Variants in KIF13A observed in about 807,000 individuals in gnomAD.
KIF13A encodes kinesin-like protein KIF13A.
Under a neutral mutation model 212.2 loss-of-function variants are expected in KIF13A, and 79 were observed. The ratio of observed to expected loss-of-function variants is 0.37; its 90% CI spans 0.31 to 0.45. The LOEUF (loss-of-function observed/expected upper bound fraction) is 0.45, where lower values mean the gene tolerates loss of function less well. Among genes scored for constraint, KIF13A ranks in the 20% least tolerant of loss-of-function variants. KIF13A has a pLI of 1.00. For synonymous variants in KIF13A, 789 were observed against 808.6 expected (o/e 0.98, Z 0.41); for missense variants, 1,901 against 2,209.0 (o/e 0.86, Z 2.79).
intron 6 of KIF13A, among the ~76,000 whole-genome samples, chr6:17,852,937 T>C (rs1459273869): frequency 6.6e-6 from 1 of 152,222 alleles, no homozygotes; most frequent in Non-Finnish European, 1.5e-5. Flanking sequence ...TAAACCTGGT[T>C]TGGAACCCAT....
chr6:17,986,549 A>T (rs891612515), intron 2 of KIF13A, among the ~76,000 whole-genome samples: 1 of 152,278 alleles, frequency 6.6e-6, no homozygotes, highest in African/African-American at 2.4e-5. Context: ...TAACTAGTCC[A>T]GCCTGAGTCT....
At position 17,898,275 on chromosome 6, in the gene KIF13A, T is replaced by A; in HGVS notation, c.147-95A>T. On this transcript the variant is annotated intron_variant, in intron 2 of 38. Transcript: ENST00000259711. This position sits in a 1 kb window ranked among gnomAD's most constrained non-coding sequence, Gnocchi z 5.2. The stretch of plus-strand genomic sequence containing the variant: ...AGGGAAACAATGAAAGAGAAAAAAA[T>A]AAGGTAAATTCAGCACCTTGATAAC... 1 of 1,240,626 alleles carries A rather than the reference T, an allele frequency of 8.1e-7. No individual in the cohort carries two copies. The allele number at this position is 1,240,626 out of a possible 1,614,324, so 76.9% of individuals were successfully genotyped here. A position where few individuals can be genotyped will look rare whatever the true frequency, so the allele number is the denominator to read the frequency against.
intron 16 of KIF13A, among the ~76,000 whole-genome samples, chr6:17,821,038 T>C (rs1467363304): frequency 6.6e-6 from 1 of 152,170 alleles, no homozygotes; most frequent in Admixed American, 6.5e-5. Flanking sequence ...TTTTAAAATG[T>C]TTTGTAGAGA....
chr6:17,764,655 T>G lies in KIF13A; in HGVS notation c.4873A>C (p.Ile1625Leu). The change falls in exon 39 of 39, where the codon ATT becomes CTT. Residue 1625 changes from isoleucine (I) to leucine (L), a missense_variant. Physicochemically the swap from Ile to Leu is conservative, Grantham distance 5. Transcript: ENST00000259711. The surrounding 1 kb of genome is among the most constrained non-coding windows in gnomAD (Gnocchi z 5.1). ...PSSDSSDQLA[I>L]QTKDADSTEH... ...GTGGAGTCTGCATCCTTCGTCTGAATGGCCAGCTGGTCTGAGCTGTCACTA... is the reference window on the plus strand; with the variant it reads ...GTGGAGTCTGCATCCTTCGTCTGAAGGGCCAGCTGGTCTGAGCTGTCACTA... 1 of 1,613,912 alleles carries G rather than the reference T, an allele frequency of 6.2e-7. No homozygotes were observed.
intron 2 of KIF13A, among the ~76,000 whole-genome samples, chr6:17,940,974 C>A (rs566659962): frequency 2.3e-4 from 35 of 151,998 alleles, no homozygotes; most frequent in African/African-American, 8.0e-4. Flanking sequence ...TACAGGCATG[C>A]ACCATCATGC....
chr6:17,898,253 G>C lies in KIF13A; in HGVS notation c.147-73C>G, dbSNP rs980394282. 1.4e-6 allele frequency: 2 copies of C among 1,407,176 alleles called. No homozygotes were observed. The highest frequency in any genetic ancestry group is 2.0e-6 in the Non-Finnish European group (2 of 1,004,622). The allele number at this position is 1,407,176 out of a possible 1,614,324, so 87.2% of individuals were successfully genotyped here. A position where few individuals can be genotyped will look rare whatever the true frequency, so the allele number is the denominator to read the frequency against. On this transcript the variant is annotated intron_variant, in intron 2 of 38. Transcript: ENST00000259711. This position sits in a 1 kb window ranked among gnomAD's most constrained non-coding sequence, Gnocchi z 5.2. Reference sequence around the variant, plus strand: ...GTCAACACAGCAGCCACATCAGAGGGAAACAATGAAAGAGAAAAAAATAAG... The same window carrying C: ...GTCAACACAGCAGCCACATCAGAGGCAAACAATGAAAGAGAAAAAAATAAG...
At chr6:17,908,942 G>A (rs775400309) in intron 2 of KIF13A, among the ~76,000 whole-genome samples, 10 of 152,178 alleles carry the variant, frequency 6.6e-5, no homozygotes, top group Non-Finnish European at 1.5e-4. Context: ...TAGCCATGTT[G>A]ACCTTGGACA....
In KIF13A at chr6:17,781,255, G is replaced by A. The variant is rs767003967; in HGVS notation, c.3591C>T (p.Ser1197=). 2.7e-5 allele frequency: 44 copies of A among 1,613,164 alleles called. No individual in the cohort carries two copies. Among genetic ancestry groups the A allele is most frequent in the South Asian group, 8.8e-5 (8 of 90,998 alleles). Residue 1197 remains serine (S), a synonymous_variant, in exon 30 of 39, where the codon TCC becomes TCT. Coordinates refer to ENST00000259711, the MANE Select transcript of KIF13A (RefSeq NM_022113.6). ...CCTTGGGCAGGATGGAGTTCACGCCGGATGCATGGGGGCCAACAAGCTGCT... is the reference window on the plus strand; with the variant it reads ...CCTTGGGCAGGATGGAGTTCACGCCAGATGCATGGGGGCCAACAAGCTGCT... ...ANEQLVGPHA[S]GVNSILPKEH...
At chr6:17,930,100 T>C (rs1439079192) in intron 2 of KIF13A, among the ~76,000 whole-genome samples, 1 of 152,178 alleles carries the variant, frequency 6.6e-6, no homozygotes, top group Non-Finnish European at 1.5e-5. Flanking sequence ...CCTTTTGCTC[T>C]CTGAAGGATA....
At chr6:17,950,335 A>T (rs1213733749) in intron 2 of KIF13A, 1 of 887,608 alleles carries the variant, frequency 1.1e-6, no homozygotes, top group African/African-American at 1.8e-5. Context: ...GATTTAAACA[A>T]ATCTAAGCAC....
rs4716190 is a variant in KIF13A at position 17,833,982 on chromosome 6, T to C, written c.1245A>G (p.Arg415=). Residue 415 remains arginine, a synonymous_variant, in exon 12 of 39, where the codon AGA becomes AGG. Transcript: ENST00000259711. ...CTACCTGTGCTATCTCTTCTGTTTT[T>C]CTCAGCTTCTCTTCCCAAGTCACTG... ...ELTVTWEEKL[R]KTEEIAQERQ... is the part of the protein sequence containing the mutation. 0.52 allele frequency: 813,773 copies of C among 1,572,908 alleles called. 213,006 individuals carry two copies. Among genetic ancestry groups the C allele is most frequent in the South Asian group, 0.56 (47,607 of 85,624 alleles).
chr6:17,830,208 G>T (rs1229693649), intron 13 of KIF13A, among the ~76,000 whole-genome samples: 1 of 152,194 alleles, frequency 6.6e-6, no homozygotes, highest in Non-Finnish European at 1.5e-5. Context: ...AACCTTTCAG[G>T]AGGCCTATGA....
At chr6:17,958,876 CTTTTTTTTTTTT>C (rs398000716) in intron 2 of KIF13A, among the ~76,000 whole-genome samples, 7 of 83,082 alleles carry the variant, frequency 8.4e-5, no homozygotes, top group Admixed American at 1.5e-4. Context: ...TTTTCTTTTT[CTTTTTTTTTTTT>C]TTTTTTTTTT....
At chr6:17,952,308 A>C (rs1312425706) in intron 2 of KIF13A, among the ~76,000 whole-genome samples, 1 of 150,224 alleles carries the variant, frequency 6.7e-6, no homozygotes, top group Non-Finnish European at 1.5e-5. Flanking sequence ...CGTCTCAAAA[A>C]AAAAAAAAAA....
At position 17,796,691 on chromosome 6, in the gene KIF13A, T is replaced by C; in HGVS notation, c.2920A>G (p.Lys974Glu). Reference sequence around the variant, plus strand: ...AACCTGTCATGCAGTGTTCTTGTCTTAGCATGAAGAGAATCGACCTCCCAG... The same window carrying C: ...AACCTGTCATGCAGTGTTCTTGTCTCAGCATGAAGAGAATCGACCTCCCAG... ...SIWEVDSLHAKTRTLHDRWNE... is the reference protein window; with the variant it reads ...SIWEVDSLHAETRTLHDRWNE... The change falls in exon 23 of 39, where the codon AAG becomes GAG. Residue 974 changes from lysine (K) to glutamate (E), a missense_variant. Physicochemically the swap from Lys to Glu is moderately conservative, Grantham distance 56. Transcript: ENST00000259711. 1 of 1,573,972 alleles carries C rather than the reference T, an allele frequency of 6.4e-7. No individual in the cohort carries two copies.
chr6:17,876,693 GC>G (rs1411264077), intron 3 of KIF13A, among the ~76,000 whole-genome samples: 1 of 152,102 alleles, frequency 6.6e-6, no homozygotes, highest in Non-Finnish European at 1.5e-5. Context: ...AGACTGGAGT[GC>G]ACTGGCACTA....
At position 17,850,277 on chromosome 6, in the gene KIF13A, C is replaced by T. The variant is rs1438288384; in HGVS notation, c.717+46G>A. Reference sequence around the variant, plus strand: ...AAGACTTTACCTATATGGACACTTTCAGTTCTTCCACCCCCACTCCAAAAA... The same window carrying T: ...AAGACTTTACCTATATGGACACTTTTAGTTCTTCCACCCCCACTCCAAAAA... On this transcript the variant is annotated intron_variant, in intron 8 of 38. Transcript: ENST00000259711. This position sits in a 1 kb window ranked among gnomAD's most constrained non-coding sequence, Gnocchi z 6.2. The T allele has an allele frequency of 6.4e-7, 1 of 1,558,250 alleles. No homozygotes were observed. Among genetic ancestry groups the T allele is most frequent in the African/African-American group, 1.4e-5 (1 of 73,324 alleles).
intron 2 of KIF13A, among the ~76,000 whole-genome samples, chr6:17,972,328 CTG>C (rs1292528250): frequency 2.0e-5 from 3 of 152,148 alleles, no homozygotes; most frequent in African/African-American, 4.8e-5. Flanking sequence ...CTTTAATTAA[CTG>C]TATGAATAGA....
At position 17,799,536 on chromosome 6, in the gene KIF13A, G is replaced by A. The variant is rs78066694; in HGVS notation, c.2617-97C>T. 0.027 allele frequency: 25,598 copies of A among 934,570 alleles called. 404 individuals are homozygous for A. Among genetic ancestry groups the A allele is most frequent in the Middle Eastern group, 0.037 (119 of 3,258 alleles). 57.9% of individuals were successfully genotyped at this position (934,570 alleles called of 1,614,324 possible). ...TTAAGAGTAAGCGATGAAACAAATT[G>A]GTCATCCATTTGACATGTGAAAATA... On this transcript the variant is annotated intron_variant, in intron 21 of 38. Coordinates refer to ENST00000259711, the MANE Select transcript of KIF13A (RefSeq NM_022113.6). This position sits in a 1 kb window ranked among gnomAD's most constrained non-coding sequence, Gnocchi z 4.4.
Sources: allele counts gnomAD v4.1 joint callset (sites outside exome capture counted in the v4.1 genomes callset), GRCh38; gene constraint gnomAD v4.1.1; non-coding constraint Gnocchi (gnomAD v3.1); transcripts MANE v1.5; gene names NCBI Gene and HGNC (gene_info 2026-07-23, HGNC 2026-07-21).